ATP7B: variants seen among roughly 807,000 people sequenced by gnomAD.
ATP7B encodes the protein ATPase copper transporting beta, also known as copper-transporting ATPase 2.
ATP7B carries 113 observed loss-of-function variants against 118.9 expected under a neutral mutation model. The ratio of observed to expected loss-of-function variants is 0.95; its 90% CI spans 0.82 to 1.11. ATP7B has a LOEUF of 1.11. Ranked by LOEUF, ATP7B falls within the 50% of genes most tolerant of loss-of-function variation. ATP7B has a pLI of 0.00. For missense variants in ATP7B, 1,867 were observed against 1,871.4 expected, an observed-to-expected ratio of 1.00 and a Z score of 0.04; for synonymous variants, 777 against 727.4, an observed-to-expected ratio of 1.07 and a Z score of -1.10.
intron 10 of ATP7B, 35 bp from the exon 11 acceptor site, chr13:51,950,196 A>G: frequency 6.2e-7 from 1 of 1,614,178 alleles, no homozygotes; most frequent in Admixed American, 1.7e-5. Flanking sequence ...TCACTTGCTC[A>G]GCCCCATCCA....
Position 51,933,544 on chromosome 13 carries a change from T to C in ATP7B, c.*1212A>G, listed in dbSNP as rs1007268068. The C allele has an allele frequency of 4.6e-5, 7 of 152,248 alleles. No individual in the cohort carries two copies. Among genetic ancestry groups the C allele is most frequent in the Non-Finnish European group, 7.3e-5 (5 of 68,048 alleles). 9.4% of individuals were successfully genotyped at this position (152,248 alleles called of 1,614,324 possible). On this transcript the variant is annotated 3_prime_UTR_variant, in exon 21 of 21. Transcript: ENST00000242839. ...CACAACCAACTTCAGAGTCTAAAACTGAACCCGTTCTGCTGCTCTGAGAGC... is the reference window on the plus strand; with the variant it reads ...CACAACCAACTTCAGAGTCTAAAACCGAACCCGTTCTGCTGCTCTGAGAGC...
intron 3 of ATP7B, among the ~76,000 whole-genome samples, chr13:51,969,640 G>A (rs1951743645): frequency 6.6e-6 from 1 of 152,202 alleles, no homozygotes; most frequent in Admixed American, 6.5e-5. Context: ...AAGTGCTTCA[G>A]AAAGGATGCC....
chr13:51,971,437 A>G (rs558791248), intron 2 of ATP7B, among the ~76,000 whole-genome samples: 14 of 152,352 alleles, frequency 9.2e-5, no homozygotes, highest in African/African-American at 3.1e-4. Flanking sequence ...ATCCTGCCCA[A>G]TTAAAAAAAT....
At position 51,955,157 on chromosome 13, in the gene ATP7B, G is replaced by A. The variant is rs186178015; in HGVS notation, c.2447+2359C>T. On this transcript the variant is annotated intron_variant, in intron 9 of 20. Transcript: ENST00000242839. ...AGAGGGCAGTTATGCGAGAACCTCTGGGGGCCTTCAGATGGTGCCATGGAC... is the reference window on the plus strand; with the variant it reads ...AGAGGGCAGTTATGCGAGAACCTCTAGGGGCCTTCAGATGGTGCCATGGAC... Among the ~76,000 whole-genome samples the A allele has an allele frequency of 5.3e-5, 8 of 152,312 alleles. No individual in the cohort carries two copies. The East Asian group carries it at 1.5e-3, about 29-fold the overall frequency.
In ATP7B at chr13:51,963,196, G is replaced by A. The variant is rs114575982; in HGVS notation, c.1870-1283C>T. Among the ~76,000 whole-genome samples the A allele has an allele frequency of 4.3e-3, 649 of 152,226 alleles. 4 individuals are homozygous for A. Among genetic ancestry groups the A allele is most frequent in the African/African-American group, 0.015 (632 of 41,536 alleles). On this transcript the variant is annotated intron_variant, in intron 5 of 20. Transcript: ENST00000242839. ...TTGACTGCATCAGTCTGATGTCTGA[G>A]CCTCATCAATGCCATATCACTACTG...
At chr13:51,994,321 C>G (rs1160276953) in intron 1 of ATP7B, among the ~76,000 whole-genome samples, 1 of 152,060 alleles carries the variant, frequency 6.6e-6, no homozygotes, top group Non-Finnish European at 1.5e-5. Context: ...TTGTATCTAT[C>G]ACCTCACTTC....
Position 51,934,471 on chromosome 13 carries a change from G to T in ATP7B, c.*285C>A. On this transcript the variant is annotated 3_prime_UTR_variant, in exon 21 of 21. Transcript: ENST00000242839. Reference sequence around the variant, plus strand: ...CCAAGCAGAGGTCTGTGAGGAGGGTGACTCGCCTCTCACCTTCTACAGTCC... The same window carrying T: ...CCAAGCAGAGGTCTGTGAGGAGGGTTACTCGCCTCTCACCTTCTACAGTCC... The T allele has an allele frequency of 2.0e-6, 1 of 498,658 alleles. No individual in the cohort carries two copies. Among genetic ancestry groups the T allele is most frequent in the Admixed American group, 3.2e-5 (1 of 30,842 alleles). 30.9% of individuals were successfully genotyped at this position (498,658 alleles called of 1,614,324 possible).
intron 1 of ATP7B, among the ~76,000 whole-genome samples, chr13:51,985,383 T>C (rs538809726): frequency 4.6e-5 from 7 of 152,168 alleles, no homozygotes. Flanking sequence ...TAAATATATA[T>C]GCACCCAATA....
At chr13:51,979,449 T>C (rs984690350) in intron 1 of ATP7B, among the ~76,000 whole-genome samples, 3 of 152,152 alleles carry the variant, frequency 2.0e-5, no homozygotes, top group African/African-American at 7.2e-5. Context: ...ATAATTTAAC[T>C]GTACAATACA....
At chr13:51,937,225 A>G (rs1350430747) in intron 19 of ATP7B, 51 bp downstream of exon 19, 2 of 1,560,276 alleles carry the variant, frequency 1.3e-6, no homozygotes, top group Non-Finnish European at 1.8e-6. Flanking sequence ...AACCTGGGAG[A>G]CAGAAGCCTT....
chr13:51,949,535 G>C (rs1957863633), intron 12 of ATP7B, 127 bp downstream of exon 12: 2 of 1,398,910 alleles, frequency 1.4e-6, no homozygotes, highest in African/African-American at 1.4e-5. Context: ...CTGTCAATAA[G>C]AGAAGCAAGC....
intron 1 of ATP7B, among the ~76,000 whole-genome samples, chr13:52,009,201 G>A (rs1468659576): frequency 6.6e-6 from 1 of 152,162 alleles, no homozygotes; most frequent in Non-Finnish European, 1.5e-5. Flanking sequence ...CAGACTTATT[G>A]GAAATATTTT....
At chr13:51,935,105 C>G in intron 20 of ATP7B, 76 bp from the exon 21 acceptor site, 2 of 1,550,858 alleles carry the variant, frequency 1.3e-6, no homozygotes, top group Non-Finnish European at 1.8e-6. Context: ...CTGGTGAAGG[C>G]CTCTCATCCA....
chr13:52,010,929 A>G (rs929661347), intron 1 of ATP7B, among the ~76,000 whole-genome samples: 2 of 152,258 alleles, frequency 1.3e-5, no homozygotes, highest in Admixed American at 6.5e-5. Flanking sequence ...TCGATATACC[A>G]TATCTGGTCC....
chr13:51,994,952 C>T (rs1953127025), intron 1 of ATP7B, among the ~76,000 whole-genome samples: 1 of 152,154 alleles, frequency 6.6e-6, no homozygotes, highest in South Asian at 2.1e-4. Flanking sequence ...AAAGGAACTT[C>T]ATTTTGCAGC....
chr13:51,934,753 TC>T lies in ATP7B; in HGVS notation c.*2del. Reference sequence around the variant, plus strand: ...CCTGCCCCGGCCCGCCTGCCTGAAGTCATCAGATGTACTGCTCCTCATCCCT... The same window carrying T: ...CCTGCCCCGGCCCGCCTGCCTGAAGTATCAGATGTACTGCTCCTCATCCCT... On this transcript the variant is annotated 3_prime_UTR_variant, in exon 21 of 21. Transcript: ENST00000242839. The T allele has an allele frequency of 6.2e-7, 1 of 1,613,418 alleles. No individual in the cohort carries two copies. Among genetic ancestry groups the T allele is most frequent in the Non-Finnish European group, 8.5e-7 (1 of 1,180,018 alleles).
chr13:51,994,485 T>C (rs1953094864), intron 1 of ATP7B, among the ~76,000 whole-genome samples: 1 of 152,174 alleles, frequency 6.6e-6, no homozygotes. Flanking sequence ...AAAAAACACT[T>C]TTAATATTTT....
chr13:51,963,736 CAAAAAA>C (rs933334832), intron 5 of ATP7B, among the ~76,000 whole-genome samples: 1 of 41,160 alleles, frequency 2.4e-5, no homozygotes, highest in African/African-American at 8.7e-5. Flanking sequence ...GACCACGTCT[CAAAAAA>C]AAAAAAAAAA....
At chr13:51,966,654 G>T (rs1951562473) in intron 4 of ATP7B, 6 of 1,103,080 alleles carry the variant, frequency 5.4e-6, no homozygotes, top group East Asian at 5.2e-5. Context: ...ATACAGCATG[G>T]TTTTTTTAAA....
Sources: allele counts gnomAD v4.1 joint callset (sites outside exome capture counted in the v4.1 genomes callset), GRCh38; gene constraint gnomAD v4.1.1; transcripts MANE v1.5; gene names NCBI Gene and HGNC (gene_info 2026-07-23, HGNC 2026-07-21).